The following EYS variants were observed in gnomAD, a reference collection of about 807,000 sequenced individuals.
The protein encoded by EYS is protein eyes shut homolog.
A neutral mutation model predicts 282.1 loss-of-function variants in EYS; 250 were observed. The ratio of observed to expected loss-of-function variants is 0.89; its 90% CI spans 0.80 to 0.98. The LOEUF is 0.98. Ranked by LOEUF, EYS falls within the 50% of genes least tolerant of loss-of-function variation. The probability of loss-of-function intolerance (pLI) is 0.00; values close to 1 mark genes in which losing one functional copy is unlikely to be tolerated. For missense variants in EYS, 4,016 were observed against 3,709.0 expected, an observed-to-expected ratio of 1.08 and a Z score of -2.15; for synonymous variants, 1,355 against 1,282.9, an observed-to-expected ratio of 1.06 and a Z score of -1.20.
chr6:64,204,740 C>A (rs1348349318), intron 31 of EYS, among the ~76,000 whole-genome samples: 17 of 152,078 alleles, frequency 1.1e-4, no homozygotes, highest in Admixed American at 1.1e-3. Context: ...TTTCTGGAAT[C>A]ATGTTTTAAT....
chr6:64,953,577 A>T (rs1382851498), intron 14 of EYS, among the ~76,000 whole-genome samples: 2 of 151,878 alleles, frequency 1.3e-5, no homozygotes, highest in Admixed American at 1.3e-4. Flanking sequence ...ACTAATCTTT[A>T]TTTATAAAAA....
chr6:65,109,158 T>G (rs554953792), intron 12 of EYS, among the ~76,000 whole-genome samples: 1 of 152,156 alleles, frequency 6.6e-6, no homozygotes, highest in African/African-American at 2.4e-5. Context: ...CTATTTTTAT[T>G]TTTTTCTTTG....
chr6:64,263,309 A>G (rs757841306), intron 30 of EYS, among the ~76,000 whole-genome samples: 35 of 152,098 alleles, frequency 2.3e-4, no homozygotes, highest in Admixed American at 5.9e-4. Context: ...AGTAAATCCA[A>G]TGTGTATTTT....
At chr6:65,014,277 T>G (rs1475183003) in intron 13 of EYS, among the ~76,000 whole-genome samples, 2 of 152,210 alleles carry the variant, frequency 1.3e-5, no homozygotes, top group African/African-American at 4.8e-5. Context: ...GCCAACCTTT[T>G]GATTTCAGTC....
chr6:65,345,672 C>G (rs1046475051), intron 9 of EYS, among the ~76,000 whole-genome samples: 1 of 151,506 alleles, frequency 6.6e-6, no homozygotes, highest in Non-Finnish European at 1.5e-5. Context: ...TAAAGTTTTT[C>G]ATAATGATAT....
intron 26 of EYS, among the ~76,000 whole-genome samples, chr6:64,491,480 C>T (rs1475498155): frequency 1.3e-5 from 2 of 150,894 alleles, no homozygotes; most frequent in Non-Finnish European, 3.0e-5. Context: ...CCAGAGAATA[C>T]TAAGAAAATA....
chr6:65,355,248 A>G (rs1764435023), intron 8 of EYS, among the ~76,000 whole-genome samples: 1 of 152,170 alleles, frequency 6.6e-6, no homozygotes, highest in Admixed American at 6.6e-5. Flanking sequence ...CAAAGACTGC[A>G]TATTGAGTAC....
At chr6:65,229,376 T>A (rs981204781) in intron 12 of EYS, among the ~76,000 whole-genome samples, 1 of 151,934 alleles carries the variant, frequency 6.6e-6, no homozygotes, top group Non-Finnish European at 1.5e-5. Context: ...AGCAAGGATG[T>A]TGTTTTTGTT....
intron 8 of EYS, among the ~76,000 whole-genome samples, chr6:65,361,129 C>T (rs997622307): frequency 7.3e-5 from 11 of 151,164 alleles, no homozygotes; most frequent in Non-Finnish European, 1.3e-4. Flanking sequence ...ACAAACACCG[C>T]ATGTTCTCAC....
At chr6:64,747,647 T>C (rs1057031714) in intron 22 of EYS, among the ~76,000 whole-genome samples, 3 of 152,106 alleles carry the variant, frequency 2.0e-5, no homozygotes. Flanking sequence ...CAAAGTGCTG[T>C]GATTATAGGC....
intron 22 of EYS, among the ~76,000 whole-genome samples, chr6:64,749,341 A>G (rs1429900760): frequency 6.6e-6 from 1 of 152,202 alleles, no homozygotes; most frequent in Admixed American, 6.5e-5. Context: ...CCTTGTTACA[A>G]CACTCAGAAT....
At chr6:64,612,926 G>C (rs749772115) in intron 24 of EYS, among the ~76,000 whole-genome samples, 3 of 152,070 alleles carry the variant, frequency 2.0e-5, no homozygotes, top group Non-Finnish European at 4.4e-5. Context: ...AAAGATATTA[G>C]AGGGAAGTTC....
intron 16 of EYS, among the ~76,000 whole-genome samples, chr6:64,907,819 G>A (rs1403661200): frequency 6.6e-6 from 1 of 151,906 alleles, no homozygotes; most frequent in African/African-American, 2.4e-5. Flanking sequence ...TCTTAGCTTG[G>A]GTTGTTCCAA....
intron 5 of EYS, among the ~76,000 whole-genome samples, chr6:65,424,868 A>C (rs529618360): frequency 6.6e-6 from 1 of 152,126 alleles, no homozygotes; most frequent in Admixed American, 6.6e-5. Flanking sequence ...TCCAACCTCA[A>C]GTGCATATGA....
At chr6:64,492,755 T>C (rs1425373062) in intron 26 of EYS, among the ~76,000 whole-genome samples, 1 of 151,268 alleles carries the variant, frequency 6.6e-6, no homozygotes, top group African/African-American at 2.4e-5. Context: ...AAAGTGATGA[T>C]AGACATGAGG....
chr6:65,356,095 A>G (rs1423489127), intron 8 of EYS, among the ~76,000 whole-genome samples: 2 of 152,104 alleles, frequency 1.3e-5, no homozygotes, highest in Non-Finnish European at 2.9e-5. Context: ...CCAATTGATG[A>G]CTAGATAAAG....
rs1554207768 is a variant in EYS at position 64,104,764 on chromosome 6, T to TA, written c.6425-22763dup. Reference sequence around the variant, plus strand: ...CTGGCAAGCTTTTTTTTTTTTTTTTTAAAGAAATATACAGTAGTTTCCAAA... The same window carrying TA: ...CTGGCAAGCTTTTTTTTTTTTTTTTTAAAAGAAATATACAGTAGTTTCCAAA... On this transcript the variant is annotated intron_variant, in intron 31 of 42. Coordinates refer to ENST00000503581, the MANE Select transcript of EYS (RefSeq NM_001142800.2). 6.7e-3 allele frequency among the ~76,000 whole-genome samples: 1,007 copies of TA among 150,688 alleles called. 5 individuals are homozygous for TA. Among genetic ancestry groups the TA allele is most frequent in the African/African-American group, 0.023 (943 of 41,046 alleles).
chr6:65,699,987 C>T (rs186433916), intron 1 of EYS, among the ~76,000 whole-genome samples: 31 of 151,500 alleles, frequency 2.0e-4, no homozygotes, highest in Admixed American at 1.4e-3. Context: ...TGGTGGCGGG[C>T]GCCTGTAGTC....
At chr6:64,240,217 G>A (rs1348550755) in intron 30 of EYS, among the ~76,000 whole-genome samples, 6 of 152,068 alleles carry the variant, frequency 3.9e-5, no homozygotes, top group East Asian at 1.9e-4. Flanking sequence ...TTTTTGCTTC[G>A]GATTGTCTTG....
Sources: allele counts gnomAD v4.1 joint callset (sites outside exome capture counted in the v4.1 genomes callset), GRCh38; gene constraint gnomAD v4.1.1; transcripts MANE v1.5; gene names NCBI Gene and HGNC (gene_info 2026-07-23, HGNC 2026-07-21).